Variants in CCDC83 observed in about 807,000 individuals in gnomAD.
CCDC83 encodes coiled-coil domain-containing protein 83.
A neutral mutation model predicts 50.1 loss-of-function variants in CCDC83; 54 were observed. That is an observed-to-expected ratio of 1.08 (90% CI 0.87 to 1.35). The LOEUF (loss-of-function observed/expected upper bound fraction) is 1.35. Ranked by LOEUF, CCDC83 falls within the 40% of genes most tolerant of loss-of-function variation. The probability of loss-of-function intolerance (pLI) is 0.00; values close to 1 mark genes in which losing one functional copy is unlikely to be tolerated. For synonymous variants in CCDC83, 161 were observed against 153.3 expected, an observed-to-expected ratio of 1.05 and a Z score of -0.37; for missense variants, 518 against 473.9, an observed-to-expected ratio of 1.09 and a Z score of -0.86.
chr11:85,907,959 T>C (rs1210476176), intron 7 of CCDC83, among the ~76,000 whole-genome samples: 1 of 152,224 alleles, frequency 6.6e-6, no homozygotes, highest in African/African-American at 2.4e-5. Context: ...CTATAGTTTT[T>C]TTTCCTCATC....
At chr11:85,860,760 TAAAGAA>T (rs1489459690) in intron 1 of CCDC83, among the ~76,000 whole-genome samples, 1 of 152,052 alleles carries the variant, frequency 6.6e-6, no homozygotes, top group African/African-American at 2.4e-5. Context: ...GTGGACTAGA[TAAAGAA>T]AATGTGGTAC....
chr11:85,883,457 G>A (rs922054895), intron 4 of CCDC83, among the ~76,000 whole-genome samples: 5 of 152,036 alleles, frequency 3.3e-5, no homozygotes, highest in African/African-American at 1.2e-4. Flanking sequence ...TTAGCGTTGG[G>A]AAAGGGGAAG....
chr11:85,868,160 G>C (rs1592140611), intron 2 of CCDC83, among the ~76,000 whole-genome samples: 1 of 152,134 alleles, frequency 6.6e-6, no homozygotes, highest in Non-Finnish European at 1.5e-5. Flanking sequence ...AACTTCTATG[G>C]TTGTTTGTGA....
At chr11:85,868,567 G>A (rs1360405834) in intron 2 of CCDC83, among the ~76,000 whole-genome samples, 2 of 152,186 alleles carry the variant, frequency 1.3e-5, no homozygotes, top group East Asian at 1.9e-4. Flanking sequence ...GTAGAGATGG[G>A]GTTTTGCCAT....
At chr11:85,871,126 T>C (rs1300755506) in intron 2 of CCDC83, among the ~76,000 whole-genome samples, 4 of 152,144 alleles carry the variant, frequency 2.6e-5, no homozygotes, top group Non-Finnish European at 5.9e-5. Flanking sequence ...GAGATCATGC[T>C]GCTGCACTCC....
intron 3 of CCDC83, among the ~76,000 whole-genome samples, chr11:85,880,243 A>G (rs2093292339): frequency 6.6e-6 from 1 of 152,010 alleles, no homozygotes. Flanking sequence ...CATGAACATG[A>G]TATGTTTCTC....
intron 5 of CCDC83, among the ~76,000 whole-genome samples, chr11:85,891,613 A>AT (rs1175237326): frequency 6.6e-6 from 1 of 152,134 alleles, no homozygotes; most frequent in Admixed American, 6.5e-5. Flanking sequence ...CTAACAGTGA[A>AT]TTTTTTTAAA....
chr11:85,878,348 CCCCTCATTAGA>C (rs2093279775), intron 3 of CCDC83, among the ~76,000 whole-genome samples: 1 of 152,188 alleles, frequency 6.6e-6, no homozygotes, highest in Non-Finnish European at 1.5e-5. Context: ...CCAGTTCTGC[CCCCTCATTAGA>C]CCCTGGCAAC....
At chr11:85,878,083 T>C (rs542279608) in intron 3 of CCDC83, among the ~76,000 whole-genome samples, 2 of 152,282 alleles carry the variant, frequency 1.3e-5, no homozygotes, top group African/African-American at 4.8e-5. Flanking sequence ...CAGTTGTTAA[T>C]ATTCATTGGC....
intron 2 of CCDC83, among the ~76,000 whole-genome samples, chr11:85,867,350 T>C (rs1442115045): frequency 6.6e-6 from 1 of 151,374 alleles, no homozygotes; most frequent in East Asian, 1.9e-4. Flanking sequence ...TTTTAGATTT[T>C]AAAATCTAAA....
At position 85,916,095 on chromosome 11, in the gene CCDC83, C is replaced by A; in HGVS notation, c.942C>A (p.Ser314Arg). The stretch of plus-strand genomic sequence containing the variant: ...ACTTGATGTCCTCATCAGATGAGAG[C>A]ACTATCTTACATCTTAGTCATGAAA... ...SRDLMSSSDE[S>R]TILHLSHENS... Residue 314 changes from serine (S) to arginine (R), a missense_variant, in exon 10 of 11, where the codon AGC becomes AGA. Coordinates refer to ENST00000342404, the MANE Select transcript of CCDC83 (RefSeq NM_001286159.2). 6.2e-7 allele frequency: 1 copy of A among 1,612,806 alleles called. No homozygotes were observed. Among genetic ancestry groups the A allele is most frequent in the Non-Finnish European group, 8.5e-7 (1 of 1,178,968 alleles).
chr11:85,904,167 AT>A (rs1475510983), intron 7 of CCDC83, among the ~76,000 whole-genome samples: 1 of 152,198 alleles, frequency 6.6e-6, no homozygotes, highest in Non-Finnish European at 1.5e-5. Context: ...TTTTAAAAAA[AT>A]AAACTTTTAA....
intron 1 of CCDC83, among the ~76,000 whole-genome samples, chr11:85,862,657 G>A (rs2153681972): frequency 6.6e-6 from 1 of 152,186 alleles, no homozygotes; most frequent in South Asian, 2.1e-4. Context: ...GAAGATAATT[G>A]CTTTTACTTT....
chr11:85,876,424 T>G (rs1051744338), intron 3 of CCDC83, among the ~76,000 whole-genome samples: 1 of 152,230 alleles, frequency 6.6e-6, no homozygotes, highest in Admixed American at 6.5e-5. Flanking sequence ...GTACTATGGT[T>G]ATGTGGAATC....
At chr11:85,901,255 C>G (rs963324141) in intron 7 of CCDC83, among the ~76,000 whole-genome samples, 6 of 151,900 alleles carry the variant, frequency 3.9e-5, no homozygotes, top group African/African-American at 1.5e-4. Flanking sequence ...AAACAAGATG[C>G]TTTAAGAACA....
intron 1 of CCDC83, among the ~76,000 whole-genome samples, chr11:85,863,044 GT>G: frequency 6.6e-6 from 1 of 152,160 alleles, no homozygotes; most frequent in Non-Finnish European, 1.5e-5. Context: ...GGTAACTAAG[GT>G]AATTGAGCAG....
In CCDC83 at chr11:85,917,166, G is replaced by GAGAGAGAAAGAAAGAA. The variant is rs756949334; in HGVS notation, c.1080+936_1080+937insGAGAAAGAAAGAAAGA. 8.0e-5 allele frequency among the ~76,000 whole-genome samples: 5 copies of GAGAGAGAAAGAAAGAA among 62,462 alleles called. No individual in the cohort carries two copies. In the East Asian group the frequency reaches 1.4e-3, roughly 18 times the overall value. 41.0% of individuals were successfully genotyped at this position (62,462 alleles called of 152,430 possible). On this transcript the variant is annotated intron_variant, in intron 10 of 10. Transcript: ENST00000342404. ...AGAGAGAGAGAGAGAGAGAGAGAGA[G>GAGAGAGAAAGAAAGAA]AGAAAGAAAGAAAGAAAGAAAGAAA...
intron 2 of CCDC83, among the ~76,000 whole-genome samples, chr11:85,866,666 CAA>C (rs200424940): frequency 1.1e-4 from 10 of 94,186 alleles, no homozygotes; most frequent in African/African-American, 3.0e-4. Flanking sequence ...AAAAACAAAA[CAA>C]AAAAAAAAAA....
chr11:85,874,765 A>G (rs1188470335), intron 3 of CCDC83, among the ~76,000 whole-genome samples: 2 of 152,220 alleles, frequency 1.3e-5, no homozygotes, highest in Non-Finnish European at 1.5e-5. Context: ...GCCAGGTCTA[A>G]TAGACTCTTC....
Sources: gnomAD v4.1 joint callset for allele counts (sites outside exome capture counted in the v4.1 genomes callset) on GRCh38, gnomAD v4.1.1 for gene constraint, MANE v1.5 for transcripts, NCBI Gene and HGNC (gene_info 2026-07-23, HGNC 2026-07-21) for gene names.